The following ZNF800 variants were observed in gnomAD, a reference collection of about 807,000 sequenced individuals.
The protein encoded by ZNF800 is zinc finger protein 800.
ZNF800 carries 13 observed loss-of-function variants against 59.5 expected under a neutral mutation model. That is an observed-to-expected ratio of 0.22 (90% confidence interval 0.14 to 0.35). ZNF800 has a LOEUF of 0.35. Among genes scored for constraint, ZNF800 ranks in the 10% least tolerant of loss-of-function variants. ZNF800 has a pLI of 1.00. For synonymous variants in ZNF800, 266 were observed against 265.7 expected (o/e 1.00, Z -0.01); for missense variants, 621 against 783.7 (o/e 0.79, Z 2.48).
intron 2 of ZNF800, 53 bp downstream of exon 2, chr7:127,391,444 G>C: frequency 6.4e-7 from 1 of 1,554,748 alleles, no homozygotes; most frequent in South Asian, 1.1e-5. Context: ...AAAAAGAGAA[G>C]GCAGAGTGGC....
chr7:127,350,785 C>T (rs572830973), intron 1 of ZNF800, among the ~76,000 whole-genome samples: 4 of 152,306 alleles, frequency 2.6e-5, no homozygotes, highest in South Asian at 4.1e-4. Context: ...CACCGAGGCA[C>T]AATGACGTGC....
chr7:127,357,323 G>C (rs1388914441), intron 1 of ZNF800, among the ~76,000 whole-genome samples: 1 of 152,052 alleles, frequency 6.6e-6, no homozygotes, highest in African/African-American at 2.4e-5. Flanking sequence ...ATATTCACCA[G>C]TCCAAAAAGT....
intron 1 of ZNF800, among the ~76,000 whole-genome samples, chr7:127,359,585 A>C (rs2117044278): frequency 6.6e-6 from 1 of 152,284 alleles, no homozygotes; most frequent in Non-Finnish European, 1.5e-5. Context: ...CATAATGAAA[A>C]TTAAGCATGT....
At chr7:127,379,689 C>T (rs1048475600) in intron 3 of ZNF800, among the ~76,000 whole-genome samples, 1 of 152,128 alleles carries the variant, frequency 6.6e-6, no homozygotes, top group Non-Finnish European at 1.5e-5. Context: ...CTATCAATTT[C>T]TTAATTAGTC....
intron 2 of ZNF800, among the ~76,000 whole-genome samples, chr7:127,387,817 C>T (rs747012432): frequency 2.0e-4 from 31 of 151,696 alleles, no homozygotes; most frequent in Non-Finnish European, 3.4e-4. Flanking sequence ...GCTGTGATCA[C>T]GCCACTGCAC....
rs766111236 is a variant in ZNF800, at chr7:127,392,697, G to A, written c.-696C>T. The A allele has an allele frequency of 6.5e-6, 1 of 153,048 alleles. No individual in the cohort carries two copies. The highest frequency in any genetic ancestry group is 1.5e-5 in the Non-Finnish European group (1 of 68,636). The allele number at this position is 153,048 out of a possible 1,614,324, so 9.5% of individuals were successfully genotyped here. A position where few individuals can be genotyped will look rare whatever the true frequency, so the allele number is the denominator to read the frequency against. On this transcript the variant is annotated 5_prime_UTR_variant, in exon 1 of 6. Coordinates refer to ENST00000265827, the MANE Select transcript of ZNF800 (RefSeq NM_176814.5). Reference sequence around the variant, plus strand: ...GCAGAGACTCTCCGGCAGCGACAGGGAGCGACTGACTGACCCCGGACGGAG... The same window carrying A: ...GCAGAGACTCTCCGGCAGCGACAGGAAGCGACTGACTGACCCCGGACGGAG...
chr7:127,358,479 T>C (rs919742655), intron 1 of ZNF800, among the ~76,000 whole-genome samples: 10 of 152,062 alleles, frequency 6.6e-5, no homozygotes, highest in African/African-American at 1.9e-4. Context: ...CTTGGTGCTA[T>C]TATATGTCCC....
intron 3 of ZNF800, among the ~76,000 whole-genome samples, chr7:127,384,030 A>G (rs1309636994): frequency 1.3e-5 from 2 of 152,002 alleles, no homozygotes; most frequent in Admixed American, 6.5e-5. Context: ...AAATACGACA[A>G]ACACAGAGAA....
intron 1 of ZNF800, chr7:127,360,625 G>A (rs1477017665): frequency 6.6e-6 from 1 of 151,812 alleles, no homozygotes; most frequent in African/African-American, 2.4e-5. Context: ...AATACTGCTT[G>A]TGATTTTTTT....
intron 3 of ZNF800, among the ~76,000 whole-genome samples, chr7:127,384,227 C>CTTTTTTTTTTTTTT (rs577977623): frequency 0.021 from 1,313 of 63,284 alleles, 322 homozygotes; most frequent in East Asian, 0.043. Flanking sequence ...ATTCTAACTT[C>CTTTTTTTTTTTTTT]TTTTTTTTTT....
chr7:127,365,570 T>C (rs980881321), downstream of ZNF800, among the ~76,000 whole-genome samples: 2 of 152,062 alleles, frequency 1.3e-5, no homozygotes, highest in Non-Finnish European at 2.9e-5. Flanking sequence ...AAAACAAAAC[T>C]GTCCTGAGTT....
At chr7:127,362,408 A>G (rs936728445) in intron 1 of ZNF800, 1 of 152,158 alleles carries the variant, frequency 6.6e-6, no homozygotes, top group African/African-American at 2.4e-5. Context: ...AAAGCAAAAG[A>G]GAGAAGCCCA....
At chr7:127,375,610 T>C (rs1292911288) in intron 4 of ZNF800, among the ~76,000 whole-genome samples, 3 of 152,058 alleles carry the variant, frequency 2.0e-5, no homozygotes, top group Admixed American at 6.6e-5. Context: ...CTCAGTCCTA[T>C]TACATGTCTT....
Position 127,372,695 on chromosome 7 carries a change from C to T in ZNF800, c.1994+647G>A, listed in dbSNP as rs544304051. ...AAACTAAAAAACAGTAACTAACACA[C>T]ACTCCCAAGGAGAAGGAAAAAAAAT... is the stretch of plus-strand genomic sequence containing the variant. On this transcript the variant is annotated intron_variant, in intron 5 of 5. Transcript: ENST00000265827. 3.7e-5 allele frequency: 36 copies of T among 985,204 alleles called. No homozygotes were observed. In the African/African-American group the frequency reaches 5.9e-4, roughly 16 times the overall value. The allele number at this position is 985,204 out of a possible 1,614,324, so 61.0% of individuals were successfully genotyped here.
chr7:127,357,442 A>C (rs1006146179), intron 1 of ZNF800, among the ~76,000 whole-genome samples: 1 of 152,076 alleles, frequency 6.6e-6, no homozygotes, highest in Non-Finnish European at 1.5e-5. Context: ...TAAGTTTCTC[A>C]TACGGATTAT....
intron 3 of ZNF800, among the ~76,000 whole-genome samples, chr7:127,384,262 C>G (rs1801068637): frequency 4.2e-5 from 2 of 47,636 alleles, no homozygotes; most frequent in Non-Finnish European, 8.4e-5. Flanking sequence ...TAGACAGAGT[C>G]TCACTCTTTC....
At chr7:127,391,989 C>T (rs534328644) in intron 1 of ZNF800, 71 bp downstream of exon 1, 2 of 383,894 alleles carry the variant, frequency 5.2e-6, no homozygotes, top group East Asian at 7.4e-5. Context: ...GCCGCGCCCT[C>T]CCGCTACGCA....
intron 5 of ZNF800, among the ~76,000 whole-genome samples, 185 bp from the exon 6 acceptor site, chr7:127,371,999 T>C (rs979093275): frequency 6.6e-6 from 1 of 152,196 alleles, no homozygotes; most frequent in African/African-American, 2.4e-5. Flanking sequence ...AATATTTTGC[T>C]TTAGAACCTG....
At chr7:127,359,753 CTGA>C (rs1044185599) in intron 1 of ZNF800, 1 of 151,974 alleles carries the variant, frequency 6.6e-6, no homozygotes, top group African/African-American at 2.4e-5. Context: ...TATCATTTAT[CTGA>C]TGGTCATTGG....
Sources: gnomAD v4.1 joint callset for allele counts (sites outside exome capture counted in the v4.1 genomes callset) on GRCh38, gnomAD v4.1.1 for gene constraint, MANE v1.5 for transcripts, NCBI Gene and HGNC (gene_info 2026-07-23, HGNC 2026-07-21) for gene names.